RASGRF2: variants seen among roughly 807,000 people sequenced by gnomAD.
RASGRF2 encodes the protein Ras protein specific guanine nucleotide releasing factor 2.
Under a neutral mutation model 151.0 loss-of-function variants are expected in RASGRF2, and 76 were observed. The observed-to-expected ratio is 0.50, with a 90% CI of 0.42 to 0.61. The LOEUF (loss-of-function observed/expected upper bound fraction) is 0.61, where lower values mean the gene tolerates loss of function less well. RASGRF2 is among the 20% of genes least tolerant of loss of function. RASGRF2 has a pLI of 0.00. For missense variants in RASGRF2, 1,148 were observed against 1,564.6 expected (o/e 0.73, Z 4.49); for synonymous variants, 504 against 566.5 (o/e 0.89, Z 1.57).
In RASGRF2 at chr5:81,216,664, T is replaced by G. The variant is rs1355411610; in HGVS notation, c.3435-692T>G. Among the ~76,000 whole-genome samples, 9 of 152,278 alleles carry G rather than the reference T, an allele frequency of 5.9e-5. No homozygotes were observed. In the East Asian group the frequency reaches 1.7e-3, roughly 29 times the overall value. ...GAAATTCAAGAGATAAGCTTTTCTATCTCCATTTTACAGAAGAGGAAACTG... is the reference window on the plus strand; with the variant it reads ...GAAATTCAAGAGATAAGCTTTTCTAGCTCCATTTTACAGAAGAGGAAACTG... On this transcript the variant is annotated intron_variant, in intron 24 of 26. Coordinates refer to ENST00000265080, the MANE Select transcript of RASGRF2 (RefSeq NM_006909.3).
At position 81,207,430 on chromosome 5, in the gene RASGRF2, G is replaced by T. The variant is rs766355969; in HGVS notation, c.3071+81G>T. ...TGACATTATTCCTAAGGCAGGTTGT[G>T]TGTATGTCTGTCCCCTCAGTTCCTG... On this transcript the variant is annotated intron_variant, in intron 21 of 26. Transcript: ENST00000265080. 5.7e-4 allele frequency: 669 copies of T among 1,176,158 alleles called. 1 individual carries two copies. The highest frequency in any genetic ancestry group is 7.4e-4 in the Non-Finnish European group (601 of 808,910). 72.9% of individuals were successfully genotyped at this position (1,176,158 alleles called of 1,614,324 possible). A position where few individuals can be genotyped will look rare whatever the true frequency, so the allele number is the denominator to read the frequency against.
At chr5:81,157,227 G>A (rs891752915) in intron 17 of RASGRF2, among the ~76,000 whole-genome samples, 3 of 151,664 alleles carry the variant, frequency 2.0e-5, no homozygotes, top group Admixed American at 6.6e-5. Flanking sequence ...GGTGGTGGGC[G>A]CCTGTAGTCC....
At chr5:81,197,243 T>C (rs1323456816) in intron 18 of RASGRF2, among the ~76,000 whole-genome samples, 2 of 149,638 alleles carry the variant, frequency 1.3e-5, no homozygotes, top group African/African-American at 4.9e-5. Flanking sequence ...GATCATGAGG[T>C]CAGGAGATCG....
At chr5:81,157,774 C>G (rs1042563132) in intron 17 of RASGRF2, among the ~76,000 whole-genome samples, 1 of 152,154 alleles carries the variant, frequency 6.6e-6, no homozygotes, top group African/African-American at 2.4e-5. Flanking sequence ...ATAAAACCAT[C>G]AGATCTCATG....
intron 12 of RASGRF2, among the ~76,000 whole-genome samples, chr5:81,107,775 T>G (rs1469814110): frequency 6.6e-6 from 1 of 152,236 alleles, no homozygotes; most frequent in Non-Finnish European, 1.5e-5. Flanking sequence ...TATAGGTAGA[T>G]GATCATAATT....
At chr5:80,986,062 GCC>G (rs1748463976) in intron 1 of RASGRF2, among the ~76,000 whole-genome samples, 1 of 152,056 alleles carries the variant, frequency 6.6e-6, no homozygotes, top group Admixed American at 6.6e-5. Flanking sequence ...TAACAGGTGA[GCC>G]CTAGCTAGCA....
chr5:81,051,867 T>C (rs764991036), intron 2 of RASGRF2, among the ~76,000 whole-genome samples: 29 of 152,188 alleles, frequency 1.9e-4, no homozygotes, highest in Admixed American at 1.0e-3. Context: ...ATTTGGTAAC[T>C]CTATGTTTAA....
At chr5:81,114,394 T>C (rs1484527559) in intron 15 of RASGRF2, among the ~76,000 whole-genome samples, 2 of 152,250 alleles carry the variant, frequency 1.3e-5, no homozygotes, top group Non-Finnish European at 2.9e-5. Flanking sequence ...AGTACCACAA[T>C]GGCTTCTTTA....
chr5:81,048,056 G>A (rs562117151), intron 2 of RASGRF2, among the ~76,000 whole-genome samples: 155 of 152,300 alleles, frequency 1.0e-3, no homozygotes, highest in African/African-American at 3.6e-3. Context: ...CAGCCCTTTA[G>A]AGAATGCACA....
intron 1 of RASGRF2, among the ~76,000 whole-genome samples, chr5:80,988,735 C>T (rs1285833478): frequency 2.6e-5 from 4 of 152,130 alleles, no homozygotes; most frequent in African/African-American, 4.8e-5. Context: ...GTAAATATGG[C>T]TTAACAAACA....
At chr5:80,989,305 C>G (rs917529702) in intron 1 of RASGRF2, among the ~76,000 whole-genome samples, 1 of 151,988 alleles carries the variant, frequency 6.6e-6, no homozygotes, top group Non-Finnish European at 1.5e-5. Flanking sequence ...AGAAAGAACT[C>G]CTTTACTTTG....
At chr5:80,971,403 C>G (rs1489788183) in intron 1 of RASGRF2, among the ~76,000 whole-genome samples, 1 of 151,984 alleles carries the variant, frequency 6.6e-6, no homozygotes, top group Non-Finnish European at 1.5e-5. Context: ...TTGTTTGTTC[C>G]TTTTCATTTC....
At chr5:81,150,635 AAC>A (rs148311320) in intron 17 of RASGRF2, among the ~76,000 whole-genome samples, 6 of 151,770 alleles carry the variant, frequency 4.0e-5, no homozygotes, top group South Asian at 2.1e-4. Flanking sequence ...TGTGCACGTG[AAC>A]ACACACACAC....
At chr5:81,173,102 C>T (rs1246510237) in intron 17 of RASGRF2, among the ~76,000 whole-genome samples, 2 of 152,128 alleles carry the variant, frequency 1.3e-5, no homozygotes, top group African/African-American at 4.8e-5. Context: ...TTAGGCCGGG[C>T]GCAGTGGCTC....
At chr5:81,074,004 G>A (rs939894743) in intron 5 of RASGRF2, among the ~76,000 whole-genome samples, 5 of 151,988 alleles carry the variant, frequency 3.3e-5, no homozygotes, top group Non-Finnish European at 5.9e-5. Flanking sequence ...TTGTCTTATC[G>A]CATGGAGATG....
In RASGRF2 at chr5:81,150,284, G is replaced by A. The variant is rs932373621; in HGVS notation, c.2686+23121G>A. 5.3e-5 allele frequency among the ~76,000 whole-genome samples: 8 copies of A among 152,236 alleles called. No homozygotes were observed. The South Asian group carries it at 1.7e-3, about 32-fold the overall frequency. On this transcript the variant is annotated intron_variant, in intron 17 of 26. Coordinates refer to ENST00000265080, the MANE Select transcript of RASGRF2 (RefSeq NM_006909.3). ...CGTTTATTTAGCTGTGTGACCTGGG[G>A]CAGCCTCTTTAAGTCTCATCTTCTC...
At position 81,157,140 on chromosome 5, in the gene RASGRF2, C is replaced by T. The variant is rs551171687; in HGVS notation, c.2687-23035C>T. On this transcript the variant is annotated intron_variant, in intron 17 of 26. Coordinates refer to ENST00000265080, the MANE Select transcript of RASGRF2 (RefSeq NM_006909.3). ...CAGCACTTTGGGAGGCTGAGGCGGG[C>T]GGATCACGAGGTCAGGAGATCGAGA... Among the ~76,000 whole-genome samples, 12 of 151,866 alleles carry T rather than the reference C, an allele frequency of 7.9e-5. No individual in the cohort carries two copies. The South Asian group carries it at 1.5e-3, about 18-fold the overall frequency.
In RASGRF2 at chr5:81,127,149, A is replaced by G. The variant is rs142915704; in HGVS notation, c.2672A>G (p.His891Arg). The change falls in exon 17 of 27, where the codon CAT becomes CGT. Residue 891 changes from histidine to arginine, a missense_variant. Physicochemically the swap from His to Arg is conservative, Grantham distance 29. Around this residue, in one of 5 missense-constraint regions of RASGRF2, gnomAD observed 646 missense variants for 807.4 expected, o/e 0.80. Transcript: ENST00000265080. Reference sequence around the variant, plus strand: ...GCAATAGCCACAGCTGCAGCAGGACATGGGAGTCCACCAGGTGAGTAGGGG... The same window carrying G: ...GCAATAGCCACAGCTGCAGCAGGACGTGGGAGTCCACCAGGTGAGTAGGGG... The part of the protein sequence containing the change: ...AFAIATAAAG[H>R]GSPPGFNNTE... 4 of 1,613,930 alleles carry G rather than the reference A, an allele frequency of 2.5e-6. No individual in the cohort carries two copies. The highest frequency in any genetic ancestry group is 2.7e-5 in the African/African-American group (2 of 75,046).
intron 2 of RASGRF2, among the ~76,000 whole-genome samples, chr5:81,045,810 G>A (rs1190950614): frequency 6.6e-6 from 1 of 152,106 alleles, no homozygotes; most frequent in Non-Finnish European, 1.5e-5. Context: ...GCTTGATTAA[G>A]TTGAGTTTTT....
Sources: gnomAD v4.1 joint callset for allele counts (sites outside exome capture counted in the v4.1 genomes callset) on GRCh38, gnomAD v4.1.1 for gene constraint, gnomAD v4.1.1 regional missense constraint, MANE v1.5 for transcripts, NCBI Gene and HGNC (gene_info 2026-07-23, HGNC 2026-07-21) for gene names.